Variants in PPP1R18 observed in about 807,000 individuals in gnomAD.
PPP1R18 encodes phostensin.
In PPP1R18, 31 loss-of-function variants were observed where a neutral mutation model predicts 54.8. The observed-to-expected ratio is 0.57, with a 90% CI of 0.43 to 0.76. The LOEUF (loss-of-function observed/expected upper bound fraction) is 0.76, where lower values mean the gene tolerates loss of function less well. Ranked by LOEUF, PPP1R18 falls within the 30% of genes least tolerant of loss-of-function variation. The probability of loss-of-function intolerance (pLI) is 0.00; values close to 1 mark genes in which losing one functional copy is unlikely to be tolerated. For synonymous variants in PPP1R18, 310 were observed against 320.2 expected, an observed-to-expected ratio of 0.97 and a Z score of 0.34; for missense variants, 685 against 776.1, an observed-to-expected ratio of 0.88 and a Z score of 1.39.
At chr6:30,677,547 G>A (rs915020586) in intron 2 of PPP1R18, among the ~76,000 whole-genome samples, 2 of 152,062 alleles carry the variant, frequency 1.3e-5, no homozygotes, top group African/African-American at 2.4e-5. Context: ...TGTGGCTCTT[G>A]GTGCTTCACA....
In PPP1R18 at chr6:30,685,974, G is replaced by A; in HGVS notation, c.45C>T (p.Arg15=). 1 of 1,596,296 alleles carries A rather than the reference G, an allele frequency of 6.3e-7. No individual in the cohort carries two copies. Among genetic ancestry groups the A allele is most frequent in the Non-Finnish European group, 8.5e-7 (1 of 1,176,222 alleles). ...CTCGAACGGACGCCTCCTCCTGCCGGCGCCGGGCTAGCAGCTGTAGCTTCC... is the reference window on the plus strand; with the variant it reads ...CTCGAACGGACGCCTCCTCCTGCCGACGCCGGGCTAGCAGCTGTAGCTTCC... ...PDWKLQLLAR[R]RQEEASVRGR... The change falls in exon 1 of 3, where the codon CGC becomes CGT. Residue 15 remains arginine (R), a synonymous_variant. Coordinates refer to ENST00000274853, the MANE Select transcript of PPP1R18 (RefSeq NM_133471.4). The surrounding 1 kb of genome is among the most constrained non-coding windows in gnomAD (Gnocchi z 5.0).
At position 30,683,289 on chromosome 6, in the gene PPP1R18, A is replaced by G. The variant is rs1382356506; in HGVS notation, c.1611+1119T>C. Among the ~76,000 whole-genome samples, 1 of 152,096 alleles carries G rather than the reference A, an allele frequency of 6.6e-6. No homozygotes were observed. Among genetic ancestry groups the G allele is most frequent in the Non-Finnish European group, 1.5e-5 (1 of 67,998 alleles). ...TAAGTCTGAGATGTCTGAGTGTGGG[A>G]CCTCTGTCTCCCTAGAGATTTTCAA... On this transcript the variant is annotated intron_variant, in intron 1 of 2. Coordinates refer to ENST00000274853, the MANE Select transcript of PPP1R18 (RefSeq NM_133471.4). This position sits in a 1 kb window ranked among gnomAD's most constrained non-coding sequence, Gnocchi z 5.1.
rs543651366 is a variant in PPP1R18, at chr6:30,679,408, G to A, written c.1612-19C>T. On this transcript the variant is annotated intron_variant, in intron 1 of 2. Transcript: ENST00000274853. ...TCTTAAGCTGAAGGAGGGAGAAAAA[G>A]GGGGCAGGAGGCAAGGTCAGCAGGG... 1.3e-5 allele frequency: 21 copies of A among 1,575,410 alleles called. No homozygotes were observed. The East Asian group carries it at 4.3e-4, about 32-fold the overall frequency.
At chr6:30,681,958 C>T (rs1481600651) in intron 1 of PPP1R18, among the ~76,000 whole-genome samples, 2 of 152,132 alleles carry the variant, frequency 1.3e-5, no homozygotes, top group Middle Eastern at 6.3e-3. Context: ...CTAGTGACAG[C>T]AGCCAGACTG....
chr6:30,682,233 G>C (rs368404257), intron 1 of PPP1R18, among the ~76,000 whole-genome samples: 2 of 152,128 alleles, frequency 1.3e-5, no homozygotes, highest in East Asian at 3.9e-4. Context: ...TGGGAGTGGG[G>C]GGGTAGAGAG....
chr6:30,681,752 A>T (rs933804860), intron 1 of PPP1R18, among the ~76,000 whole-genome samples: 1 of 151,850 alleles, frequency 6.6e-6, no homozygotes, highest in Non-Finnish European at 1.5e-5. Context: ...AGACAGCGAG[A>T]CTGTCTCAGA....
At chr6:30,677,470 C>G (rs139029610) in intron 2 of PPP1R18, among the ~76,000 whole-genome samples, 182 bp from the exon 3 acceptor site, 2 of 152,234 alleles carry the variant, frequency 1.3e-5, no homozygotes, top group Non-Finnish European at 2.9e-5. Flanking sequence ...GACTCTGTGC[C>G]AGGCATCCTT....
chr6:30,684,633 C>A lies in PPP1R18; in HGVS notation c.1386G>T (p.Val462=). The A allele has an allele frequency of 1.3e-6, 2 of 1,537,066 alleles. No homozygotes were observed. The highest frequency in any genetic ancestry group is 1.8e-6 in the Non-Finnish European group (2 of 1,140,406). Residue 462 remains valine (V), a synonymous_variant, in exon 1 of 3, where the codon GTG becomes GTT. Transcript: ENST00000274853. The surrounding 1 kb of genome is among the most constrained non-coding windows in gnomAD (Gnocchi z 6.0). The part of the protein sequence containing the change: ...LFYGVKAGPG[V]GAPRRSGHTF... Reference sequence around the variant, plus strand: ...TGTGTCCACTGCGGCGGGGGGCCCCCACCCCTGGCCCTGCCTTCACCCCAT... The same window carrying A: ...TGTGTCCACTGCGGCGGGGGGCCCCAACCCCTGGCCCTGCCTTCACCCCAT...
intron 2 of PPP1R18, 80 bp downstream of exon 2, chr6:30,679,099 A>C: frequency 2.4e-6 from 3 of 1,235,388 alleles, no homozygotes; most frequent in Non-Finnish European, 3.4e-6. Context: ...CCTACATGTA[A>C]TCCTCCCTCC....
At chr6:30,680,884 G>A (rs796324863) in intron 1 of PPP1R18, among the ~76,000 whole-genome samples, 37 of 151,914 alleles carry the variant, frequency 2.4e-4, no homozygotes, top group African/African-American at 8.9e-4. Flanking sequence ...AAGAGATTGA[G>A]ACCATCCTGG....
At position 30,679,359 on chromosome 6, in the gene PPP1R18, C is replaced by A; in HGVS notation, c.1642G>T (p.Glu548Ter). 1 of 1,584,850 alleles carries A rather than the reference C, an allele frequency of 6.3e-7. No individual in the cohort carries two copies. The highest frequency in any genetic ancestry group is 8.6e-7 in the Non-Finnish European group (1 of 1,166,754). ...LKISFSETALETTYQYPSESS... is the reference protein window; with the variant it reads ...LKISFSETAL ...TCGGAGGGGTATTGGTACGTGGTCT[C>A]CAGGGCTGTCTCGCTGAAGGAGATC... Residue 548 changes from glutamate (E) to a stop codon, truncating the protein, a stop_gained, in exon 2 of 3, where the codon GAG (glutamate) becomes TAG (stop). Transcript: ENST00000274853. LOFTEE classifies it high-confidence loss of function.
chr6:30,685,642 G>A lies in PPP1R18; in HGVS notation c.377C>T (p.Pro126Leu). Reference protein sequence around the residue: ...PLEARERRPSPGEMRDQSPKG... With the variant: ...PLEARERRPSLGEMRDQSPKG... ...GGGGCTCTGATCCCGCATCTCCCCA[G>A]GGCTGGGTCTCCGCTCCCGGGCCTC... The change falls in exon 1 of 3, where the codon CCT (proline) becomes CTT (leucine). Residue 126 changes from proline to leucine, a missense_variant. Transcript: ENST00000274853. This position sits in a 1 kb window ranked among gnomAD's most constrained non-coding sequence, Gnocchi z 5.0. 6.2e-7 allele frequency: 1 copy of A among 1,613,062 alleles called. No homozygotes were observed. The highest frequency in any genetic ancestry group is 1.1e-5 in the South Asian group (1 of 91,088).
At chr6:30,678,155 C>T (rs1048960988) in intron 2 of PPP1R18, among the ~76,000 whole-genome samples, 9 of 152,004 alleles carry the variant, frequency 5.9e-5, no homozygotes, top group African/African-American at 2.2e-4. Context: ...GAGTGATCCA[C>T]CTGCCTCGGC....
intron 1 of PPP1R18, among the ~76,000 whole-genome samples, chr6:30,679,791 T>C (rs1770433842): frequency 6.6e-6 from 1 of 152,106 alleles, no homozygotes; most frequent in African/African-American, 2.4e-5. Flanking sequence ...AACCGAGTCT[T>C]TGGGCACCTT....
Position 30,686,283 on chromosome 6 carries a change from G to C in PPP1R18, c.-265C>G. ...GGGGTGATGTGAGAGGAAGAGTCCG[G>C]ATTGGAGGCAATGAGGGCAGGAGCC... On this transcript the variant is annotated 5_prime_UTR_variant, in exon 1 of 3. It adds an upstream start codon to the 5' untranslated region. Coordinates refer to ENST00000274853, the MANE Select transcript of PPP1R18 (RefSeq NM_133471.4). The C allele has an allele frequency of 2.0e-6, 1 of 493,806 alleles. No homozygotes were observed. Among genetic ancestry groups the C allele is most frequent in the Non-Finnish European group, 3.6e-6 (1 of 280,120 alleles). 30.6% of individuals were successfully genotyped at this position (493,806 alleles called of 1,614,324 possible). A position where few individuals can be genotyped will look rare whatever the true frequency, so the allele number is the denominator to read the frequency against.
At chr6:30,688,371 C>A, upstream of PPP1R18, 1 of 516,292 alleles carries the variant, frequency 1.9e-6, no homozygotes. The surrounding 1 kb of genome is among the most constrained non-coding windows in gnomAD (Gnocchi z 5.9). Flanking sequence ...CTTTCCTTCT[C>A]AGGAGGCTGT....
chr6:30,687,466 G>C (rs1184760458), upstream of PPP1R18: 1 of 152,600 alleles, frequency 6.6e-6, no homozygotes, highest in South Asian at 2.1e-4. This position sits in a 1 kb window ranked among gnomAD's most constrained non-coding sequence, Gnocchi z 7.9. Flanking sequence ...GCCCTCACCA[G>C]CTTCCCGCCC....
upstream of PPP1R18, chr6:30,687,533 C>G (rs542942523): frequency 6.6e-6 from 1 of 152,426 alleles, no homozygotes; most frequent in African/African-American, 2.4e-5. This position sits in a 1 kb window ranked among gnomAD's most constrained non-coding sequence, Gnocchi z 7.9. Context: ...GGCGGTGGCC[C>G]GTGACTCAGG....
Position 30,684,561 on chromosome 6 carries a change from G to A in PPP1R18, c.1458C>T (p.Ala486=), listed in dbSNP as rs1770745936. 6.2e-7 allele frequency: 1 copy of A among 1,610,852 alleles called. No homozygotes were observed. Among genetic ancestry groups the A allele is most frequent in the Non-Finnish European group, 8.5e-7 (1 of 1,179,008 alleles). ...CAACTGTGGCTGGAGAGGTTGGGGT[G>A]GCTGGGGTCGCAGGGGGCACAGACC... ...PRRSVPPATP[A]TPTSPATVDA... is the part of the protein sequence containing the mutation. Residue 486 remains alanine (A), a synonymous_variant, in exon 1 of 3, where the codon GCC becomes GCT. Transcript: ENST00000274853. The surrounding 1 kb of genome is among the most constrained non-coding windows in gnomAD (Gnocchi z 6.0).
Sources: gnomAD v4.1 joint callset for allele counts (sites outside exome capture counted in the v4.1 genomes callset) on GRCh38, gnomAD v4.1.1 for gene constraint, Gnocchi (gnomAD v3.1) non-coding constraint, MANE v1.5 for transcripts, NCBI Gene and HGNC (gene_info 2026-07-23, HGNC 2026-07-21) for gene names.